The following SPOCK3 variants were observed in gnomAD, a reference collection of about 807,000 sequenced individuals.
The protein encoded by SPOCK3 is testican-3.
A neutral mutation model predicts 56.6 loss-of-function variants in SPOCK3; 30 were observed. That is an observed-to-expected ratio of 0.53 (90% CI 0.40 to 0.72). The LOEUF is 0.72. Ranked by LOEUF, SPOCK3 falls within the 30% of genes least tolerant of loss-of-function variation. The probability of loss-of-function intolerance (pLI) is 0.00; values close to 1 mark genes in which losing one functional copy is unlikely to be tolerated. For missense variants in SPOCK3, 527 were observed against 530.0 expected, an observed-to-expected ratio of 0.99 and a Z score of 0.06; for synonymous variants, 196 against 183.3, an observed-to-expected ratio of 1.07 and a Z score of -0.56.
intron 2 of SPOCK3, among the ~76,000 whole-genome samples, chr4:167,164,889 G>A (rs994673088): frequency 6.6e-6 from 1 of 152,044 alleles, no homozygotes; most frequent in Non-Finnish European, 1.5e-5. Context: ...AAATAATGCT[G>A]CAATAAACAT....
At chr4:167,131,801 T>A (rs895437581) in intron 2 of SPOCK3, among the ~76,000 whole-genome samples, 4 of 152,186 alleles carry the variant, frequency 2.6e-5, no homozygotes, top group African/African-American at 9.6e-5. Context: ...TGAATAGAAT[T>A]TTTTTAACGC....
intron 3 of SPOCK3, among the ~76,000 whole-genome samples, chr4:167,033,800 G>T (rs1274028220): frequency 6.6e-6 from 1 of 151,880 alleles, no homozygotes; most frequent in Non-Finnish European, 1.5e-5. Flanking sequence ...TTCTCCATTA[G>T]AATTTACTAG....
At chr4:166,966,460 G>T (rs1441799204) in intron 4 of SPOCK3, among the ~76,000 whole-genome samples, 1 of 152,008 alleles carries the variant, frequency 6.6e-6, no homozygotes, top group Non-Finnish European at 1.5e-5. Flanking sequence ...ACTCTATTTT[G>T]CAGCAGAATG....
chr4:166,850,594 A>T (rs569618481), intron 6 of SPOCK3, among the ~76,000 whole-genome samples: 145 of 152,310 alleles, frequency 9.5e-4, no homozygotes, highest in Admixed American at 1.7e-3. Context: ...CAGCGGGGGC[A>T]GGTCACTGGG....
At chr4:166,819,888 T>A (rs1324385568) in intron 6 of SPOCK3, among the ~76,000 whole-genome samples, 2 of 151,910 alleles carry the variant, frequency 1.3e-5, no homozygotes, top group Non-Finnish European at 2.9e-5. Context: ...CCCAGATTAA[T>A]ATTTATAATT....
chr4:167,055,093 T>C lies in SPOCK3; in HGVS notation c.235+7399A>G, dbSNP rs575166920. Among the ~76,000 whole-genome samples the C allele has an allele frequency of 1.1e-4, 16 of 152,266 alleles. No individual in the cohort carries two copies. The East Asian group carries it at 3.1e-3, about 29-fold the overall frequency. On this transcript the variant is annotated intron_variant, in intron 3 of 10. Transcript: ENST00000357545. ...ATAGTTAAAACAATATAAATATCAG[T>C]ATAAAAATATAATGACAATGTAAGT...
intron 3 of SPOCK3, among the ~76,000 whole-genome samples, chr4:167,024,149 G>A (rs756502228): frequency 6.6e-6 from 1 of 151,878 alleles, no homozygotes. Context: ...TAGATCCTGG[G>A]TGCTTCACCA....
chr4:166,867,818 C>T (rs1482545168), intron 6 of SPOCK3, among the ~76,000 whole-genome samples: 4 of 151,504 alleles, frequency 2.6e-5, no homozygotes, highest in African/African-American at 9.7e-5. Context: ...AAAGGAAAAA[C>T]TGAAATTGAG....
At chr4:166,826,184 G>T (rs1745455963) in intron 6 of SPOCK3, among the ~76,000 whole-genome samples, 1 of 151,940 alleles carries the variant, frequency 6.6e-6, no homozygotes, top group Admixed American at 6.6e-5. Flanking sequence ...AAAATAACTT[G>T]CAAAAAAAGA....
At chr4:167,174,749 C>T (rs1406128544) in intron 2 of SPOCK3, among the ~76,000 whole-genome samples, 3 of 152,140 alleles carry the variant, frequency 2.0e-5, no homozygotes, top group Non-Finnish European at 4.4e-5. Context: ...ACCTTGGGGG[C>T]TCCATAAATA....
chr4:167,008,243 A>G (rs942431583), intron 3 of SPOCK3, among the ~76,000 whole-genome samples: 7 of 151,990 alleles, frequency 4.6e-5, no homozygotes, highest in African/African-American at 1.7e-4. Context: ...GAAGATTAAT[A>G]TTCTATTGTA....
chr4:166,924,356 A>G (rs1738831355), intron 4 of SPOCK3, among the ~76,000 whole-genome samples: 1 of 152,216 alleles, frequency 6.6e-6, no homozygotes, highest in Non-Finnish European at 1.5e-5. Flanking sequence ...TTGGCTCTTC[A>G]CAACTGTAAG....
chr4:167,084,829 A>G (rs1758041572), intron 2 of SPOCK3, among the ~76,000 whole-genome samples: 2 of 152,122 alleles, frequency 1.3e-5, no homozygotes, highest in Admixed American at 6.6e-5. Context: ...AAATTAGACG[A>G]CAATGTGATT....
intron 3 of SPOCK3, among the ~76,000 whole-genome samples, chr4:167,016,851 T>C (rs572121932): frequency 6.6e-6 from 1 of 152,222 alleles, no homozygotes; most frequent in South Asian, 2.1e-4. Flanking sequence ...TGCAAGTTAA[T>C]TACTTTGAGA....
At chr4:167,143,541 T>C (rs1442825009) in intron 2 of SPOCK3, among the ~76,000 whole-genome samples, 1 of 152,014 alleles carries the variant, frequency 6.6e-6, no homozygotes, top group Non-Finnish European at 1.5e-5. Context: ...CTACTGTATT[T>C]TCTTGATTCA....
At chr4:167,205,340 AT>A (rs1347895967) in intron 2 of SPOCK3, among the ~76,000 whole-genome samples, 1 of 40,390 alleles carries the variant, frequency 2.5e-5, no homozygotes, top group East Asian at 8.7e-4. Flanking sequence ...TATATTATAT[AT>A]TATATATATA....
At chr4:166,888,993 C>A in intron 6 of SPOCK3, 137 bp downstream of exon 6, 2 of 634,832 alleles carry the variant, frequency 3.2e-6, no homozygotes, top group Non-Finnish European at 5.6e-6. Flanking sequence ...AGGAAAATAT[C>A]TTCAATAAAA....
At chr4:167,031,561 TA>T (rs1235238106) in intron 3 of SPOCK3, among the ~76,000 whole-genome samples, 2 of 151,790 alleles carry the variant, frequency 1.3e-5, no homozygotes, top group East Asian at 3.9e-4. Flanking sequence ...AAGAGAAAAA[TA>T]TTTGAATTAC....
chr4:167,170,081 T>C (rs996411712), intron 2 of SPOCK3, among the ~76,000 whole-genome samples: 1 of 152,284 alleles, frequency 6.6e-6, no homozygotes, highest in African/African-American at 2.4e-5. Flanking sequence ...CAGCTGAGAA[T>C]GGACTAATAC....
Sources: allele counts gnomAD v4.1 joint callset (sites outside exome capture counted in the v4.1 genomes callset), GRCh38; gene constraint gnomAD v4.1.1; transcripts MANE v1.5; gene names NCBI Gene and HGNC (gene_info 2026-07-23, HGNC 2026-07-21).